ZDHHC21: variants seen among roughly 807,000 people sequenced by gnomAD.
ZDHHC21 encodes zDHHC palmitoyltransferase 21.
ZDHHC21 carries 15 observed loss-of-function variants against 34.6 expected under a neutral mutation model. The observed-to-expected ratio is 0.43, with a 90% confidence interval of 0.29 to 0.67. ZDHHC21 has a LOEUF of 0.67. Among genes scored for constraint, ZDHHC21 ranks in the 30% least tolerant of loss-of-function variants. The pLI, the probability that ZDHHC21 is intolerant of heterozygous loss-of-function variation, is 0.14. For missense variants in ZDHHC21, 344 were observed against 327.7 expected, an observed-to-expected ratio of 1.05 and a Z score of -0.38; for synonymous variants, 142 against 101.8, an observed-to-expected ratio of 1.40 and a Z score of -2.38.
At chr9:14,622,767 C>A (rs1328467916) in intron 8 of ZDHHC21, 58 of 982,442 alleles carry the variant, frequency 5.9e-5, no homozygotes, top group Non-Finnish European at 7.0e-5. Context: ...AGAGCCATTG[C>A]CTCTGGACCT....
intron 8 of ZDHHC21, among the ~76,000 whole-genome samples, chr9:14,622,106 C>A (rs1312597501): frequency 3.3e-5 from 5 of 152,058 alleles, no homozygotes; most frequent in Admixed American, 6.6e-5. Flanking sequence ...TCTACCAGAA[C>A]ACTTTTATTT....
the ZDHHC21 span, chr9:14,593,686 C>T: frequency 6.6e-6 from 1 of 152,442 alleles, no homozygotes; most frequent in Non-Finnish European, 1.5e-5. Flanking sequence ...ATGACAGTCA[C>T]TTCTGGACAT....
the ZDHHC21 span, among the ~76,000 whole-genome samples, chr9:14,600,194 T>A: frequency 6.6e-6 from 1 of 152,174 alleles, no homozygotes; most frequent in African/African-American, 2.4e-5. Context: ...GGTATTCAAA[T>A]AGGAAGAGAG....
At chr9:14,607,124 G>C (rs926913001), downstream of ZDHHC21, among the ~76,000 whole-genome samples, 2 of 150,822 alleles carry the variant, frequency 1.3e-5, no homozygotes, top group African/African-American at 4.9e-5. Flanking sequence ...CACTACAGAG[G>C]AATGGTTAAA....
intron 2 of ZDHHC21, 40 bp downstream of exon 2, chr9:14,690,297 A>C: frequency 2.2e-6 from 1 of 446,842 alleles, no homozygotes. Context: ...AGCAGCCATG[A>C]TTTAAGAACA....
chr9:14,609,751 T>C (rs1210231623), downstream of ZDHHC21, among the ~76,000 whole-genome samples: 1 of 152,100 alleles, frequency 6.6e-6, no homozygotes, highest in African/African-American at 2.4e-5. Context: ...ACACGAAAAG[T>C]TCCTTGGTAT....
At chr9:14,595,806 T>C in the ZDHHC21 span, among the ~76,000 whole-genome samples, 1 of 151,884 alleles carries the variant, frequency 6.6e-6, no homozygotes, top group African/African-American at 2.4e-5. Flanking sequence ...AAGAAGAAAA[T>C]ACAAGATCAG....
At chr9:14,682,393 A>G (rs1409383019) in intron 2 of ZDHHC21, among the ~76,000 whole-genome samples, 1 of 152,206 alleles carries the variant, frequency 6.6e-6, no homozygotes, top group East Asian at 1.9e-4. Context: ...TTGCAATCCT[A>G]GTCTCTGATG....
intron 8 of ZDHHC21, among the ~76,000 whole-genome samples, chr9:14,628,766 C>CA (rs1328999897): frequency 6.6e-6 from 1 of 152,090 alleles, no homozygotes; most frequent in African/African-American, 2.4e-5. Flanking sequence ...CACAAAACAG[C>CA]AAACTTATTT....
At chr9:14,645,445 C>T (rs1282604238) in intron 7 of ZDHHC21, among the ~76,000 whole-genome samples, 2 of 152,024 alleles carry the variant, frequency 1.3e-5, no homozygotes, top group East Asian at 3.9e-4. Context: ...ATGAGAATCA[C>T]AAAATTCAAT....
intron 7 of ZDHHC21, among the ~76,000 whole-genome samples, chr9:14,648,620 C>T (rs1049325158): frequency 4.6e-5 from 7 of 152,054 alleles, no homozygotes; most frequent in East Asian, 1.9e-4. Context: ...CTTTATTATA[C>T]GTCATAATAC....
chr9:14,640,308 GAA>G lies in ZDHHC21; in HGVS notation c.505-298_505-297del, dbSNP rs1184446076. ...GTTTGTTTTTTGAACCTATTTTGGGGAAAAAAAAAAAAAAAAAGAAAGAAAGA... is the reference window on the plus strand; with the variant it reads ...GTTTGTTTTTTGAACCTATTTTGGGGAAAAAAAAAAAAAAAGAAAGAAAGA... On this transcript the variant is annotated intron_variant, in intron 7 of 9. Transcript: ENST00000380916. 1.4e-3 allele frequency among the ~76,000 whole-genome samples: 179 copies of G among 128,376 alleles called. 1 individual carries two copies. The highest frequency in any genetic ancestry group is 5.1e-3 in the African/African-American group (171 of 33,774). The allele number at this position is 128,376 out of a possible 152,430, so 84.2% of individuals were successfully genotyped here. A position where few individuals can be genotyped will look rare whatever the true frequency, so the allele number is the denominator to read the frequency against.
intron 7 of ZDHHC21, among the ~76,000 whole-genome samples, chr9:14,643,820 T>A (rs1829816289): frequency 6.6e-6 from 1 of 152,214 alleles, no homozygotes; most frequent in Admixed American, 6.5e-5. Flanking sequence ...AGATCAAGTA[T>A]CCATACATGC....
At chr9:14,619,543 C>G in intron 9 of ZDHHC21, 96 bp downstream of exon 9, 1 of 1,024,500 alleles carries the variant, frequency 9.8e-7, no homozygotes, top group Non-Finnish European at 1.4e-6. Flanking sequence ...AAAAAGCCAT[C>G]ATTATATTAT....
At chr9:14,590,389 G>A in the ZDHHC21 span, among the ~76,000 whole-genome samples, 33 of 152,134 alleles carry the variant, frequency 2.2e-4, no homozygotes, top group Admixed American at 5.9e-4. Context: ...TTCCAAATCT[G>A]ATGAAAATAA....
downstream of ZDHHC21, among the ~76,000 whole-genome samples, chr9:14,608,884 G>T (rs1248596005): frequency 3.3e-5 from 5 of 152,052 alleles, no homozygotes; most frequent in Non-Finnish European, 7.4e-5. Context: ...ATACAATCAC[G>T]TATTTTTAGT....
intron 6 of ZDHHC21, 48 bp downstream of exon 6, chr9:14,662,166 AT>A: frequency 7.3e-7 from 1 of 1,378,952 alleles, no homozygotes. Context: ...TAAGATTTAC[AT>A]TTTATTACCC....
chr9:14,690,905 G>A (rs114201842), intron 1 of ZDHHC21, among the ~76,000 whole-genome samples: 2,004 of 152,084 alleles, frequency 0.013, 51 homozygotes, highest in African/African-American at 0.046. Context: ...ATGCTAAATT[G>A]CCTATTATAT....
chr9:14,688,492 G>A (rs1838687898), intron 2 of ZDHHC21, among the ~76,000 whole-genome samples: 1 of 150,754 alleles, frequency 6.6e-6, no homozygotes, highest in South Asian at 2.1e-4. Flanking sequence ...GAGGTGAGTA[G>A]GGGTAGGATT....
Sources: gnomAD v4.1 joint callset for allele counts (sites outside exome capture counted in the v4.1 genomes callset) on GRCh38, gnomAD v4.1.1 for gene constraint, MANE v1.5 for transcripts, NCBI Gene and HGNC (gene_info 2026-07-23, HGNC 2026-07-21) for gene names.